CAB39L: variants seen among roughly 807,000 people sequenced by gnomAD.
CAB39L encodes calcium binding protein 39 like, also known as calcium-binding protein 39-like.
CAB39L carries 23 observed loss-of-function variants against 39.1 expected under a neutral mutation model. The ratio of observed to expected loss-of-function variants is 0.59; its 90% CI spans 0.42 to 0.83. The LOEUF (loss-of-function observed/expected upper bound fraction) is 0.83. Among genes scored for constraint, CAB39L ranks in the 40% least tolerant of loss-of-function variants. The pLI is 0.00. For synonymous variants in CAB39L, 126 were observed against 137.2 expected (o/e 0.92, Z 0.57); for missense variants, 366 against 391.9 (o/e 0.93, Z 0.56).
At chr13:49,358,373 G>T (rs1219184836) in intron 6 of CAB39L, among the ~76,000 whole-genome samples, 1 of 152,178 alleles carries the variant, frequency 6.6e-6, no homozygotes. Context: ...AAAGGAAATA[G>T]AATAATGGTG....
chr13:49,325,182 A>C (rs925682566), intron 10 of CAB39L, among the ~76,000 whole-genome samples: 3 of 152,228 alleles, frequency 2.0e-5, no homozygotes, highest in African/African-American at 7.2e-5. Context: ...TTAAAAATAG[A>C]AAGGAGAAGT....
At chr13:49,377,183 A>C (rs775309983) in intron 4 of CAB39L, 52 bp from the exon 5 acceptor site, 26 of 1,464,962 alleles carry the variant, frequency 1.8e-5, no homozygotes, top group Non-Finnish European at 2.4e-5. Context: ...TGTTTAGGCC[A>C]TAAACAAACA....
chr13:49,417,396 C>T (rs1957102588), intron 3 of CAB39L, among the ~76,000 whole-genome samples: 1 of 152,110 alleles, frequency 6.6e-6, no homozygotes, highest in African/African-American at 2.4e-5. Flanking sequence ...CATTGCCAGG[C>T]CATCCAAAAA....
At chr13:49,356,511 T>C (rs1169845501) in intron 6 of CAB39L, among the ~76,000 whole-genome samples, 1 of 152,210 alleles carries the variant, frequency 6.6e-6, no homozygotes, top group Non-Finnish European at 1.5e-5. Context: ...AAATACATTT[T>C]ACCATGTTTA....
intron 1 of CAB39L, among the ~76,000 whole-genome samples, chr13:49,435,926 C>CCAG (rs1957405117): frequency 1.3e-5 from 2 of 152,180 alleles, no homozygotes; most frequent in African/African-American, 4.8e-5. Flanking sequence ...GAGGTTAGCT[C>CCAG]TTTGTGATAT....
intron 5 of CAB39L, among the ~76,000 whole-genome samples, chr13:49,363,453 G>T (rs1955685752): frequency 1.3e-5 from 2 of 151,954 alleles, no homozygotes; most frequent in African/African-American, 4.8e-5. Flanking sequence ...CTATAAGATG[G>T]TATACGCATG....
intron 3 of CAB39L, among the ~76,000 whole-genome samples, chr13:49,430,307 T>C (rs184049996): frequency 6.6e-6 from 1 of 152,322 alleles, no homozygotes; most frequent in East Asian, 1.9e-4. Flanking sequence ...ATATAAATGC[T>C]GTGAATTTAA....
intron 3 of CAB39L, among the ~76,000 whole-genome samples, chr13:49,403,205 C>T (rs1298021191): frequency 6.6e-6 from 1 of 152,030 alleles, no homozygotes; most frequent in African/African-American, 2.4e-5. Flanking sequence ...GTGCAGAAAT[C>T]TCATAATATA....
intron 7 of CAB39L, among the ~76,000 whole-genome samples, chr13:49,345,233 A>G (rs1351232968): frequency 6.6e-6 from 1 of 152,244 alleles, no homozygotes; most frequent in African/African-American, 2.4e-5. Flanking sequence ...AAGGTACACA[A>G]CATAACTTCA....
chr13:49,368,131 C>G (rs563140105), intron 5 of CAB39L, among the ~76,000 whole-genome samples: 1 of 152,302 alleles, frequency 6.6e-6, no homozygotes, highest in East Asian at 1.9e-4. Flanking sequence ...GTCATAGGAA[C>G]ATGTTTTTCA....
chr13:49,344,769 G>A (rs548926168), intron 7 of CAB39L, among the ~76,000 whole-genome samples: 2 of 152,060 alleles, frequency 1.3e-5, no homozygotes, highest in African/African-American at 4.8e-5. Flanking sequence ...TGATCCACCT[G>A]CCTCGGCCTC....
At chr13:49,383,024 A>G in intron 3 of CAB39L, 83 bp from the exon 4 acceptor site, 1 of 562,964 alleles carries the variant, frequency 1.8e-6, no homozygotes, top group Non-Finnish European at 3.1e-6. Flanking sequence ...ATAAGTTTTC[A>G]ATAACATGAA....
chr13:49,351,242 A>G (rs1016107083), intron 6 of CAB39L: 4 of 180,296 alleles, frequency 2.2e-5, no homozygotes, highest in Non-Finnish European at 3.4e-5. Flanking sequence ...AAAATACGCC[A>G]CATTATAAAG....
chr13:49,411,737 C>A (rs993382502), intron 3 of CAB39L, among the ~76,000 whole-genome samples: 3 of 152,026 alleles, frequency 2.0e-5, no homozygotes, highest in African/African-American at 7.2e-5. Flanking sequence ...CGAGGATGAC[C>A]CTGAATGTGG....
At chr13:49,408,720 A>T (rs1008072193) in intron 3 of CAB39L, among the ~76,000 whole-genome samples, 3 of 151,984 alleles carry the variant, frequency 2.0e-5, no homozygotes, top group African/African-American at 7.2e-5. Context: ...GGTCCCAGCT[A>T]CTCGAGGGGT....
chr13:49,382,873 T>C lies in CAB39L; in HGVS notation c.38A>G (p.Asn13Ser), dbSNP rs769760493. 7.4e-6 allele frequency: 12 copies of C among 1,611,932 alleles called. No individual in the cohort carries two copies. The African/African-American group carries it at 9.3e-5, about 13-fold the overall frequency. Residue 13 changes from asparagine to serine, a missense_variant, in exon 4 of 11, where the codon AAT becomes AGT. Asn to Ser is a conservative substitution (Grantham distance 46). Coordinates refer to ENST00000409308, the MANE Select transcript of CAB39L (RefSeq NM_001079670.3). ...CAGGATTTTCACAATTTCTGCTGGA[T>C]TTTTGTGTGATTTACTAAACAAAGG... is the stretch of plus-strand genomic sequence containing the variant. ...KMPLFSKSHK[N>S]PAEIVKILKD...
chr13:49,344,107 G>A (rs936885996), intron 8 of CAB39L, 72 bp downstream of exon 8: 2 of 864,608 alleles, frequency 2.3e-6, no homozygotes, highest in South Asian at 1.4e-5. Flanking sequence ...AATTCACAGG[G>A]GCAATTGCTC....
intron 7 of CAB39L, among the ~76,000 whole-genome samples, chr13:49,344,577 A>C (rs762328226): frequency 2.7e-5 from 4 of 146,310 alleles, no homozygotes; most frequent in Non-Finnish European, 5.9e-5. Context: ...GCTGGAGTGC[A>C]GTGGCATGAT....
At chr13:49,360,090 A>G (rs1393376880) in intron 5 of CAB39L, among the ~76,000 whole-genome samples, 2 of 152,236 alleles carry the variant, frequency 1.3e-5, no homozygotes, top group African/African-American at 4.8e-5. Context: ...CATTTCCCAC[A>G]GAGCATGGAA....
Sources: gnomAD v4.1 joint callset for allele counts (sites outside exome capture counted in the v4.1 genomes callset) on GRCh38, gnomAD v4.1.1 for gene constraint, MANE v1.5 for transcripts, NCBI Gene and HGNC (gene_info 2026-07-23, HGNC 2026-07-21) for gene names.